The following COL11A1 variants were observed in gnomAD, a reference collection of about 807,000 sequenced individuals.
COL11A1 encodes the protein collagen type XI alpha 1 chain.
A neutral mutation model predicts 265.2 loss-of-function variants in COL11A1; 74 were observed. The observed-to-expected ratio is 0.28, with a 90% CI of 0.23 to 0.34. COL11A1 has a LOEUF of 0.34. COL11A1 is among the 10% of genes least tolerant of loss of function. The pLI is 1.00. For missense variants in COL11A1, 2,165 were observed against 2,263.6 expected (o/e 0.96, Z 0.88); for synonymous variants, 816 against 727.6 (o/e 1.12, Z -1.96).
intron 1 of COL11A1, among the ~76,000 whole-genome samples, chr1:103,087,505 C>T (rs1672972742): frequency 6.6e-6 from 1 of 152,166 alleles, no homozygotes; most frequent in Admixed American, 6.5e-5. Flanking sequence ...TCTGGACACT[C>T]CCACTTATCC....
At position 102,998,314 on chromosome 1, in the gene COL11A1, G is replaced by A. The variant is rs1664816558; in HGVS notation, c.2192C>T (p.Pro731Leu). 1 of 1,606,456 alleles carries A rather than the reference G, an allele frequency of 6.2e-7. No homozygotes were observed. Among genetic ancestry groups the A allele is most frequent in the African/African-American group, 1.3e-5 (1 of 74,766 alleles). ...GACCAGGTAGCTGTTACTTACAGGA[G>A]GCCCATCAGCACCAGGAAGTCCAGC... is the stretch of plus-strand genomic sequence containing the variant. ...GLAGLPGADG[P>L]PGHPGKEGQS... The change falls in exon 25 of 67, where the codon CCT becomes CTT. Residue 731 changes from proline (P) to leucine (L), a missense_variant. Transcript: ENST00000370096.
intron 31 of COL11A1, among the ~76,000 whole-genome samples, chr1:102,980,835 A>G (rs530259924): frequency 1.2e-4 from 18 of 152,210 alleles, no homozygotes; most frequent in African/African-American, 4.1e-4. Flanking sequence ...CAGGAATCTG[A>G]ATTTTTACCA....
At chr1:102,949,586 C>T (rs921858732) in intron 41 of COL11A1, among the ~76,000 whole-genome samples, 3 of 152,246 alleles carry the variant, frequency 2.0e-5, no homozygotes, top group Non-Finnish European at 4.4e-5. Flanking sequence ...AATTATTATA[C>T]CTACTAATTA....
intron 4 of COL11A1, among the ~76,000 whole-genome samples, chr1:103,053,529 GT>G (rs1669996839): frequency 1.3e-5 from 2 of 152,094 alleles, no homozygotes; most frequent in Non-Finnish European, 2.9e-5. Flanking sequence ...GCACATTTTT[GT>G]TTGTTGTTTT....
intron 31 of COL11A1, among the ~76,000 whole-genome samples, chr1:102,983,442 G>A (rs1338866014): frequency 6.6e-6 from 1 of 152,020 alleles, no homozygotes; most frequent in Non-Finnish European, 1.5e-5. Context: ...TAAATCCAAT[G>A]GCGAGTGTTC....
At chr1:102,997,169 T>C (rs1224875746) in intron 25 of COL11A1, 45 bp from the exon 26 acceptor site, 2 of 1,420,288 alleles carry the variant, frequency 1.4e-6, no homozygotes, top group African/African-American at 2.8e-5. Context: ...AATATAAACA[T>C]AGTTGATAAT....
At chr1:103,023,832 T>C (rs1336324106) in intron 7 of COL11A1, among the ~76,000 whole-genome samples, 1 of 152,136 alleles carries the variant, frequency 6.6e-6, no homozygotes, top group Non-Finnish European at 1.5e-5. Flanking sequence ...TGTAGGGAAG[T>C]AGTATTACAC....
chr1:102,952,200 A>G (rs1373171659), intron 41 of COL11A1, among the ~76,000 whole-genome samples: 1 of 151,926 alleles, frequency 6.6e-6, no homozygotes, highest in African/African-American at 2.4e-5. Context: ...CCAGGTTCAA[A>G]CGATTCTCCT....
chr1:102,881,110 A>G (rs934951951), intron 65 of COL11A1, among the ~76,000 whole-genome samples: 1 of 152,114 alleles, frequency 6.6e-6, no homozygotes, highest in Admixed American at 6.6e-5. Context: ...ACTGGAAAAC[A>G]CTTTAAATTC....
chr1:103,104,056 C>T (rs1006121581), intron 1 of COL11A1, among the ~76,000 whole-genome samples: 1 of 152,018 alleles, frequency 6.6e-6, no homozygotes, highest in African/African-American at 2.4e-5. Flanking sequence ...TTAGTTTCCT[C>T]ATTTATTGAG....
At chr1:103,064,153 C>A (rs1670889338) in intron 4 of COL11A1, among the ~76,000 whole-genome samples, 1 of 152,138 alleles carries the variant, frequency 6.6e-6, no homozygotes, top group Non-Finnish European at 1.5e-5. Flanking sequence ...GACAGTTTGG[C>A]AGTTTCTCAT....
intron 1 of COL11A1, among the ~76,000 whole-genome samples, chr1:103,107,138 G>T (rs1480761097): frequency 2.6e-5 from 4 of 152,122 alleles, no homozygotes; most frequent in Non-Finnish European, 5.9e-5. Context: ...GGGAGAAGGC[G>T]GAGGGGAGGA....
chr1:102,985,973 C>T (rs1035900021), intron 30 of COL11A1, among the ~76,000 whole-genome samples: 1 of 151,984 alleles, frequency 6.6e-6, no homozygotes, highest in Admixed American at 6.6e-5. Context: ...GTATGAAACC[C>T]GATAAGAACT....
At chr1:102,904,227 G>A (rs993690588) in intron 54 of COL11A1, among the ~76,000 whole-genome samples, 4 of 152,172 alleles carry the variant, frequency 2.6e-5, no homozygotes, top group African/African-American at 9.7e-5. Context: ...ATTAATTCAA[G>A]ATGGATTAAA....
At chr1:102,938,594 C>T (rs552795899) in intron 44 of COL11A1, among the ~76,000 whole-genome samples, 5 of 151,984 alleles carry the variant, frequency 3.3e-5, no homozygotes, top group Admixed American at 1.3e-4. Context: ...AGTGAACACA[C>T]CATTTGAATG....
chr1:102,881,584 G>A (rs759188761), intron 65 of COL11A1, 113 bp downstream of exon 65: 4 of 859,694 alleles, frequency 4.7e-6, no homozygotes, highest in Admixed American at 2.0e-5. Flanking sequence ...AGACCACAGG[G>A]AATCCTCATT....
chr1:103,083,701 G>A (rs575167620), intron 1 of COL11A1, among the ~76,000 whole-genome samples: 41 of 152,224 alleles, frequency 2.7e-4, no homozygotes, highest in Non-Finnish European at 4.3e-4. Flanking sequence ...CTATCTATAT[G>A]TAATTTATCG....
At chr1:102,896,360 A>G (rs1652428883) in intron 57 of COL11A1, among the ~76,000 whole-genome samples, 1 of 152,174 alleles carries the variant, frequency 6.6e-6, no homozygotes, top group South Asian at 2.1e-4. Context: ...AAAATTACCT[A>G]CTAAAATAGA....
At chr1:103,087,920 A>G (rs989620953) in intron 1 of COL11A1, among the ~76,000 whole-genome samples, 1 of 152,202 alleles carries the variant, frequency 6.6e-6, no homozygotes, top group Non-Finnish European at 1.5e-5. Context: ...TAATGTGAAA[A>G]TATATGGAAG....
Sources: gnomAD v4.1 joint callset for allele counts (sites outside exome capture counted in the v4.1 genomes callset) on GRCh38, gnomAD v4.1.1 for gene constraint, MANE v1.5 for transcripts, NCBI Gene and HGNC (gene_info 2026-07-23, HGNC 2026-07-21) for gene names.